GRID1: variants seen among roughly 807,000 people sequenced by gnomAD.
GRID1 encodes the protein glutamate ionotropic receptor delta type subunit 1.
GRID1 carries 28 observed loss-of-function variants against 98.0 expected under a neutral mutation model. The observed-to-expected ratio is 0.29, with a 90% confidence interval of 0.21 to 0.39. GRID1 has a LOEUF of 0.39. Among genes scored for constraint, GRID1 ranks in the 10% least tolerant of loss-of-function variants. GRID1 has a pLI of 1.00. For missense variants in GRID1, 1,111 were observed against 1,340.5 expected (o/e 0.83, Z 2.67); for synonymous variants, 553 against 538.5 (o/e 1.03, Z -0.37).
rs530219385 is a variant in GRID1, at chr10:86,004,238, G to A, written c.727-87999C>T. On this transcript the variant is annotated intron_variant, in intron 4 of 15. Transcript: ENST00000327946. ...AATCCTGCCTCTGCAGAAATGTGCA[G>A]AATGGACATGGAGGAATATTGCAAT... Among the ~76,000 whole-genome samples, 3 of 152,340 alleles carry A rather than the reference G, an allele frequency of 2.0e-5. No individual in the cohort carries two copies. In the East Asian group the frequency reaches 5.8e-4, roughly 29 times the overall value.
intron 3 of GRID1, among the ~76,000 whole-genome samples, chr10:86,160,224 C>G (rs1845302416): frequency 6.6e-6 from 1 of 152,148 alleles, no homozygotes. Context: ...ACAGCTGAGT[C>G]CTAAGGCATC....
chr10:85,636,510 T>G (rs1344455539), intron 13 of GRID1, among the ~76,000 whole-genome samples: 1 of 152,142 alleles, frequency 6.6e-6, no homozygotes, highest in Non-Finnish European at 1.5e-5. Flanking sequence ...TAGCCACAGT[T>G]TATAATGGCA....
At chr10:86,079,832 C>T (rs188610684) in intron 4 of GRID1, among the ~76,000 whole-genome samples, 215 of 152,342 alleles carry the variant, frequency 1.4e-3, no homozygotes, top group African/African-American at 5.0e-3. Flanking sequence ...TAAATTAACT[C>T]CCACTCTTCT....
At chr10:86,090,517 T>C (rs1844130291) in intron 4 of GRID1, among the ~76,000 whole-genome samples, 1 of 151,004 alleles carries the variant, frequency 6.6e-6, no homozygotes, top group African/African-American at 2.4e-5. Flanking sequence ...CTCAGGAACC[T>C]GTGAGACTAT....
intron 4 of GRID1, among the ~76,000 whole-genome samples, chr10:86,011,711 T>G (rs372872800): frequency 2.6e-5 from 4 of 152,200 alleles, no homozygotes; most frequent in East Asian, 1.9e-4. Context: ...TTCAATGTCC[T>G]AGTACAAGCA....
At chr10:85,637,779 T>A (rs562937190) in intron 13 of GRID1, among the ~76,000 whole-genome samples, 1 of 152,366 alleles carries the variant, frequency 6.6e-6, no homozygotes, top group Admixed American at 6.5e-5. Context: ...TATGTGTTCC[T>A]AACATGACTA....
At chr10:85,984,981 G>T (rs1407434462) in intron 4 of GRID1, among the ~76,000 whole-genome samples, 5 of 152,186 alleles carry the variant, frequency 3.3e-5, no homozygotes, top group Non-Finnish European at 7.4e-5. Flanking sequence ...ACTACATTTT[G>T]GGCTGAATAA....
chr10:86,299,835 G>A (rs78136723), intron 2 of GRID1, among the ~76,000 whole-genome samples: 9,206 of 152,156 alleles, frequency 0.061, 493 homozygotes, highest in African/African-American at 0.14. Context: ...ACAGACCCAC[G>A]TGCTGGAGTT....
chr10:86,251,350 TA>T (rs61715346), intron 2 of GRID1, among the ~76,000 whole-genome samples: 28 of 142,882 alleles, frequency 2.0e-4, no homozygotes, highest in East Asian at 1.4e-3. Context: ...CAATAAATAC[TA>T]AAAAAAAAAA....
intron 4 of GRID1, among the ~76,000 whole-genome samples, chr10:86,121,663 AAT>A (rs1279941675): frequency 2.2e-5 from 3 of 135,956 alleles, no homozygotes; most frequent in Non-Finnish European, 4.9e-5. Context: ...TGACCACAAT[AAT>A]ACCAGGGACA....
intron 8 of GRID1, among the ~76,000 whole-genome samples, chr10:85,740,708 T>G (rs996261321): frequency 1.1e-4 from 17 of 152,202 alleles, no homozygotes; most frequent in South Asian, 2.1e-4. Context: ...GAAATGCCTT[T>G]CATAATATAT....
chr10:86,180,027 C>G lies in GRID1; in HGVS notation c.520+26337G>C, dbSNP rs948974701. Among the ~76,000 whole-genome samples the G allele has an allele frequency of 1.3e-4, 20 of 152,330 alleles. No homozygotes were observed. The East Asian group carries it at 3.5e-3, about 26-fold the overall frequency. On this transcript the variant is annotated intron_variant, in intron 3 of 15. Coordinates refer to ENST00000327946, the MANE Select transcript of GRID1 (RefSeq NM_017551.3). Reference sequence around the variant, plus strand: ...CTGAGGCACCACAAAGAAACCAGAGCTCCATCAACCTATGGCAGAAGCCAA... The same window carrying G: ...CTGAGGCACCACAAAGAAACCAGAGGTCCATCAACCTATGGCAGAAGCCAA...
Position 86,173,739 on chromosome 10 carries a change from CCA to C in GRID1, c.520+32623_520+32624del, listed in dbSNP as rs57339419. Among the ~76,000 whole-genome samples the C allele has an allele frequency of 2.0e-3, 253 of 128,958 alleles. 1 individual carries two copies. Among genetic ancestry groups the C allele is most frequent in the African/African-American group, 6.9e-3 (239 of 34,620 alleles). 84.6% of individuals were successfully genotyped at this position (128,958 alleles called of 152,430 possible). A position where few individuals can be genotyped will look rare whatever the true frequency, so the allele number is the denominator to read the frequency against. On this transcript the variant is annotated intron_variant, in intron 3 of 15. Transcript: ENST00000327946. Reference sequence around the variant, plus strand: ...ATCCCTTCCCCCTCCCCCCACCCCACCACAGTCCCCAGAATGTGATGTTCCCC... The same window carrying C: ...ATCCCTTCCCCCTCCCCCCACCCCACCAGTCCCCAGAATGTGATGTTCCCC...
chr10:85,632,718 A>AT (rs1564683276), intron 13 of GRID1, among the ~76,000 whole-genome samples: 1 of 151,920 alleles, frequency 6.6e-6, no homozygotes, highest in Non-Finnish European at 1.5e-5. Flanking sequence ...TAATTTTGGT[A>AT]TTTTTTAAAA....
At chr10:85,712,994 A>G (rs750965014) in intron 12 of GRID1, among the ~76,000 whole-genome samples, 6 of 151,724 alleles carry the variant, frequency 4.0e-5, no homozygotes, top group Non-Finnish European at 8.9e-5. Context: ...CTAACTTTAT[A>G]TCTCAAGGAA....
intron 3 of GRID1, among the ~76,000 whole-genome samples, chr10:86,167,452 T>G (rs1281102696): frequency 6.6e-6 from 1 of 152,156 alleles, no homozygotes. Flanking sequence ...ACAGATCCCA[T>G]AGGCCACAGA....
At chr10:85,932,256 A>C (rs1183341781) in intron 4 of GRID1, among the ~76,000 whole-genome samples, 1 of 152,176 alleles carries the variant, frequency 6.6e-6, no homozygotes, top group Non-Finnish European at 1.5e-5. Flanking sequence ...TCTATCACCC[A>C]GGCTGAGTGC....
intron 4 of GRID1, among the ~76,000 whole-genome samples, chr10:86,099,836 G>A (rs1217131714): frequency 3.3e-5 from 5 of 152,192 alleles, no homozygotes; most frequent in South Asian, 2.1e-4. Context: ...ACTGGTGGCT[G>A]GGGGTGGCAC....
At chr10:86,363,490 C>T (rs1048990014) in intron 2 of GRID1, among the ~76,000 whole-genome samples, 8 of 152,224 alleles carry the variant, frequency 5.3e-5, no homozygotes, top group Non-Finnish European at 1.2e-4. Flanking sequence ...GGAGACAGGT[C>T]GGGCTCCAGC....
Sources: allele counts gnomAD v4.1 joint callset (sites outside exome capture counted in the v4.1 genomes callset), GRCh38; gene constraint gnomAD v4.1.1; transcripts MANE v1.5; gene names NCBI Gene and HGNC (gene_info 2026-07-23, HGNC 2026-07-21).